Variants in EDIL3 observed in about 807,000 individuals in gnomAD.
The protein encoded by EDIL3 is EGF like and discoidin domains 3.
A neutral mutation model predicts 67.4 loss-of-function variants in EDIL3; 37 were observed. The observed-to-expected ratio is 0.55, with a 90% confidence interval of 0.42 to 0.72. EDIL3 has a LOEUF of 0.72. Among genes scored for constraint, EDIL3 ranks in the 30% least tolerant of loss-of-function variants. EDIL3 has a pLI of 0.00. For missense variants in EDIL3, 527 were observed against 586.3 expected (o/e 0.90, Z 1.04); for synonymous variants, 195 against 196.3 (o/e 0.99, Z 0.05).
intron 9 of EDIL3, among the ~76,000 whole-genome samples, chr5:84,011,996 G>T (rs1745524678): frequency 6.6e-6 from 1 of 152,050 alleles, no homozygotes; most frequent in African/African-American, 2.4e-5. Context: ...TTCCACAAAG[G>T]CAGGAATTTG....
At chr5:84,373,721 A>T (rs1747905491) in intron 1 of EDIL3, among the ~76,000 whole-genome samples, 3 of 152,144 alleles carry the variant, frequency 2.0e-5, no homozygotes, top group Admixed American at 1.3e-4. Flanking sequence ...AAAACACATA[A>T]GAAGGATTAG....
chr5:84,369,662 T>C (rs1747804902), intron 1 of EDIL3, among the ~76,000 whole-genome samples: 1 of 152,054 alleles, frequency 6.6e-6, no homozygotes, highest in African/African-American at 2.4e-5. Flanking sequence ...ATTATGGAGA[T>C]GGATGGTCAT....
At chr5:84,192,928 A>C (rs1743622748) in intron 3 of EDIL3, among the ~76,000 whole-genome samples, 1 of 151,956 alleles carries the variant, frequency 6.6e-6, no homozygotes, top group African/African-American at 2.4e-5. Flanking sequence ...CCGGAAACCA[A>C]GTAACAGCTA....
chr5:83,961,654 G>A (rs529679532), intron 10 of EDIL3, among the ~76,000 whole-genome samples: 1 of 151,038 alleles, frequency 6.6e-6, no homozygotes, highest in Non-Finnish European at 1.5e-5. Flanking sequence ...TTTCAAGCCT[G>A]TATAACTTAT....
At position 84,384,852 on chromosome 5, in the gene EDIL3, C is replaced by A. The variant is rs555621295; in HGVS notation, c.-478G>T. On this transcript the variant is annotated 5_prime_UTR_variant, in exon 1 of 11. Transcript: ENST00000296591. ...GAGCGAGCGGGCCGCCGGGAGCGCA[C>A]TGTGTACAAACAGAGGCGGCGTGCG... 1 of 152,428 alleles carries A rather than the reference C, an allele frequency of 6.6e-6. No homozygotes were observed. Among genetic ancestry groups the A allele is most frequent in the East Asian group, 2.0e-4 (1 of 5,118 alleles). 9.4% of individuals were successfully genotyped at this position (152,428 alleles called of 1,614,324 possible). A position where few individuals can be genotyped will look rare whatever the true frequency, so the allele number is the denominator to read the frequency against.
chr5:84,360,155 G>A (rs1202547403), intron 1 of EDIL3, among the ~76,000 whole-genome samples: 2 of 152,144 alleles, frequency 1.3e-5, no homozygotes, highest in African/African-American at 4.8e-5. Flanking sequence ...TGGATCAGGA[G>A]AGTTGAAGAT....
chr5:84,335,790 G>A (rs577321228), intron 1 of EDIL3, among the ~76,000 whole-genome samples: 7 of 152,240 alleles, frequency 4.6e-5, no homozygotes, highest in East Asian at 3.9e-4. Context: ...TATAATTAAC[G>A]TCTAAGACTG....
At chr5:84,092,840 G>T (rs1318606296) in intron 6 of EDIL3, among the ~76,000 whole-genome samples, 2 of 152,108 alleles carry the variant, frequency 1.3e-5, no homozygotes, top group Non-Finnish European at 2.9e-5. Context: ...AGTGGGATAG[G>T]AGAAGGCAGA....
At chr5:84,349,643 GAAT>G (rs1205674713) in intron 1 of EDIL3, among the ~76,000 whole-genome samples, 6 of 151,904 alleles carry the variant, frequency 3.9e-5, no homozygotes, top group Non-Finnish European at 8.8e-5. Context: ...TAGATAAATA[GAAT>G]AATATTAAAC....
chr5:83,970,281 T>TAG (rs1744769259), intron 9 of EDIL3, among the ~76,000 whole-genome samples: 1 of 134,680 alleles, frequency 7.4e-6, no homozygotes, highest in African/African-American at 2.6e-5. Context: ...TATATATATA[T>TAG]AGTCTCTTTC....
chr5:84,342,118 A>G (rs532538527), intron 1 of EDIL3, among the ~76,000 whole-genome samples: 39 of 152,258 alleles, frequency 2.6e-4, no homozygotes, highest in African/African-American at 7.7e-4. Context: ...GTGTCCATCA[A>G]TGGATAACTG....
intron 10 of EDIL3, among the ~76,000 whole-genome samples, chr5:83,962,561 C>A (rs889302225): frequency 6.6e-6 from 1 of 151,382 alleles, no homozygotes; most frequent in Non-Finnish European, 1.5e-5. Context: ...TTGATTTGTA[C>A]AGTGTGTGTG....
intron 1 of EDIL3, among the ~76,000 whole-genome samples, chr5:84,296,870 T>C (rs556149584): frequency 2.0e-5 from 3 of 152,204 alleles, no homozygotes; most frequent in Admixed American, 6.5e-5. Context: ...ACAAGGAACT[T>C]AAGCAAATTT....
intron 3 of EDIL3, among the ~76,000 whole-genome samples, chr5:84,190,579 G>GTGTGTGTGTGTGTGTGTATATA (rs1456078500): frequency 8.2e-6 from 1 of 122,056 alleles, no homozygotes; most frequent in African/African-American, 3.2e-5. Flanking sequence ...GTGTGTGTGT[G>GTGTGTGTGTGTGTGTGTATATA]TATATATATA....
At chr5:84,314,935 T>C (rs1746480511) in intron 1 of EDIL3, among the ~76,000 whole-genome samples, 1 of 152,142 alleles carries the variant, frequency 6.6e-6, no homozygotes, top group Non-Finnish European at 1.5e-5. Context: ...ATTATTTTTA[T>C]GGTAGTTGTA....
chr5:84,140,623 T>TG (rs34208430), intron 4 of EDIL3, among the ~76,000 whole-genome samples: 134,890 of 152,060 alleles, frequency 0.89, 59,997 homozygotes, highest in East Asian at 0.96. Context: ...TGAATTGGAA[T>TG]GCATTTGCTG....
chr5:84,095,858 A>G (rs1747252712), intron 6 of EDIL3, among the ~76,000 whole-genome samples: 1 of 152,218 alleles, frequency 6.6e-6, no homozygotes, highest in African/African-American at 2.4e-5. Flanking sequence ...TCTTCATGGC[A>G]GCCCCTCCCA....
intron 4 of EDIL3, among the ~76,000 whole-genome samples, chr5:84,168,521 A>G (rs1051859729): frequency 1.3e-5 from 2 of 152,186 alleles, no homozygotes; most frequent in African/African-American, 2.4e-5. Context: ...AGATAGAAAG[A>G]GTGGCAATCA....
At chr5:83,957,885 AACTGAAT>A (rs1744541003) in intron 10 of EDIL3, among the ~76,000 whole-genome samples, 1 of 151,572 alleles carries the variant, frequency 6.6e-6, no homozygotes, top group African/African-American at 2.4e-5. Flanking sequence ...GGAATCTGCC[AACTGAAT>A]ACACAGTTGG....
Sources: gnomAD v4.1 joint callset for allele counts (sites outside exome capture counted in the v4.1 genomes callset) on GRCh38, gnomAD v4.1.1 for gene constraint, MANE v1.5 for transcripts, NCBI Gene and HGNC (gene_info 2026-07-23, HGNC 2026-07-21) for gene names.